The following PCBD2 variants were observed in gnomAD, a reference collection of about 807,000 sequenced individuals.
PCBD2 encodes the protein pterin-4-alpha-carbinolamine dehydratase 2.
A neutral mutation model predicts 16.4 loss-of-function variants in PCBD2; 12 were observed. The ratio of observed to expected loss-of-function variants is 0.73; its 90% confidence interval spans 0.47 to 1.19. The LOEUF is 1.19. PCBD2 is among the 50% of genes most tolerant of loss of function. The pLI, the probability that PCBD2 is intolerant of heterozygous loss-of-function variation, is 0.00. For synonymous variants in PCBD2, 58 were observed against 61.8 expected, an observed-to-expected ratio of 0.94 and a Z score of 0.29; for missense variants, 138 against 156.8, an observed-to-expected ratio of 0.88 and a Z score of 0.64.
At chr5:134,941,835 G>C (rs1413005225) in intron 2 of PCBD2, among the ~76,000 whole-genome samples, 1 of 151,870 alleles carries the variant, frequency 6.6e-6, no homozygotes, top group Non-Finnish European at 1.5e-5. Flanking sequence ...TAAGATTATG[G>C]GGGCTGGGTG....
intron 2 of PCBD2, chr5:134,928,204 G>T: frequency 2.6e-6 from 1 of 389,504 alleles, no homozygotes; most frequent in South Asian, 1.3e-4. Context: ...TGGCTATAAT[G>T]AATAGTGATA....
At chr5:134,940,896 G>A (rs1373134299) in intron 2 of PCBD2, among the ~76,000 whole-genome samples, 1 of 152,060 alleles carries the variant, frequency 6.6e-6, no homozygotes, top group Non-Finnish European at 1.5e-5. Flanking sequence ...TTGGAAGGCC[G>A]AGGAAGGTGG....
In PCBD2 at chr5:134,905,171, C is replaced by CGCGGCGCTTGTTG. The variant is rs1750665391; in HGVS notation, c.41_53dup (p.Arg19ValfsTer32). Reference sequence around the variant, plus strand: ...GCGGTGCTCGGGGCGCTCGGGGCGACGCGGCGCTTGTTGGCGGCGCTGCGA... The same window carrying CGCGGCGCTTGTTG: ...GCGGTGCTCGGGGCGCTCGGGGCGACGCGGCGCTTGTTGGCGGCGCTTGTTGGCGGCGCTGCGA... On this transcript the variant is annotated frameshift_variant, in exon 1 of 4. Coordinates refer to ENST00000254908, the MANE Select transcript of PCBD2 (RefSeq NM_032151.5). LOFTEE classifies it high-confidence loss of function. 2 of 1,222,936 alleles carry CGCGGCGCTTGTTG rather than the reference C, an allele frequency of 1.6e-6. No homozygotes were observed. Among genetic ancestry groups the CGCGGCGCTTGTTG allele is most frequent in the Non-Finnish European group, 2.0e-6 (2 of 982,674 alleles). 75.8% of individuals were successfully genotyped at this position (1,222,936 alleles called of 1,614,324 possible). A position where few individuals can be genotyped will look rare whatever the true frequency, so the allele number is the denominator to read the frequency against.
At chr5:134,912,850 C>G (rs762064537) in intron 2 of PCBD2, among the ~76,000 whole-genome samples, 2 of 152,218 alleles carry the variant, frequency 1.3e-5, no homozygotes, top group East Asian at 1.9e-4. Context: ...GCTCACAACT[C>G]GTGAGTAGAG....
At chr5:134,958,955 T>C (rs1043647503) in intron 2 of PCBD2, 85 bp from the exon 3 acceptor site, 3 of 1,033,876 alleles carry the variant, frequency 2.9e-6, no homozygotes, top group Non-Finnish European at 4.4e-6. Context: ...TGCCTGCCTT[T>C]ATGTGGTTGG....
intron 2 of PCBD2, among the ~76,000 whole-genome samples, chr5:134,946,802 C>G (rs771093979): frequency 4.6e-5 from 7 of 152,292 alleles, no homozygotes; most frequent in Non-Finnish European, 1.0e-4. Context: ...GGCATTCTTT[C>G]TGCCCAGAGC....
At chr5:134,931,140 G>A (rs558440147) in intron 2 of PCBD2, among the ~76,000 whole-genome samples, 150 of 152,140 alleles carry the variant, frequency 9.9e-4, no homozygotes, top group African/African-American at 3.1e-3. Flanking sequence ...GGATGGTCTC[G>A]ATCTCCTGAC....
intron 2 of PCBD2, among the ~76,000 whole-genome samples, chr5:134,933,268 A>G (rs1003581056): frequency 1.3e-5 from 2 of 152,142 alleles, no homozygotes; most frequent in African/African-American, 4.8e-5. Flanking sequence ...ACAGGGTCTC[A>G]CTGTGTCACC....
chr5:134,958,562 G>T (rs1751438991), intron 2 of PCBD2, among the ~76,000 whole-genome samples: 1 of 152,198 alleles, frequency 6.6e-6, no homozygotes, highest in Admixed American at 6.5e-5. Flanking sequence ...GTTCATTTCT[G>T]CTGGTGCTTT....
intron 1 of PCBD2, among the ~76,000 whole-genome samples, chr5:134,906,335 C>T (rs1183559201): frequency 6.6e-6 from 1 of 150,874 alleles, no homozygotes; most frequent in Non-Finnish European, 1.5e-5. Context: ...TCCCGAGTAG[C>T]TGGGACAACA....
chr5:134,916,635 C>T lies in PCBD2; in HGVS notation c.216+6169C>T, dbSNP rs903058778. Among the ~76,000 whole-genome samples, 6 of 152,354 alleles carry T rather than the reference C, an allele frequency of 3.9e-5. No individual in the cohort carries two copies. The East Asian group carries it at 5.8e-4, about 15-fold the overall frequency. Reference sequence around the variant, plus strand: ...CCCAAAACACATTTGAACTTCTTTTCTCTCAGAGTTTTATTCTAAGGTATG... The same window carrying T: ...CCCAAAACACATTTGAACTTCTTTTTTCTCAGAGTTTTATTCTAAGGTATG... On this transcript the variant is annotated intron_variant, in intron 2 of 3. Coordinates refer to ENST00000254908, the MANE Select transcript of PCBD2 (RefSeq NM_032151.5).
chr5:134,926,554 T>C (rs1460076963), intron 2 of PCBD2: 1 of 395,568 alleles, frequency 2.5e-6, no homozygotes, highest in Non-Finnish European at 4.5e-6. Context: ...TTGTTAGACA[T>C]GGGGATATGA....
In PCBD2 at chr5:134,954,465, A is replaced by G. The variant is rs1362196224; in HGVS notation, c.217-4575A>G. On this transcript the variant is annotated intron_variant, in intron 2 of 3. Coordinates refer to ENST00000254908, the MANE Select transcript of PCBD2 (RefSeq NM_032151.5). ...AATGTATTCCTAGAACTGAATGAATATATTGCTTACTGCTAATACCTTTGG... is the reference window on the plus strand; with the variant it reads ...AATGTATTCCTAGAACTGAATGAATGTATTGCTTACTGCTAATACCTTTGG... Among the ~76,000 whole-genome samples the G allele has an allele frequency of 4.6e-5, 7 of 152,322 alleles. No homozygotes were observed. The East Asian group carries it at 1.2e-3, about 25-fold the overall frequency.
intron 2 of PCBD2, among the ~76,000 whole-genome samples, chr5:134,914,530 A>C (rs1750804572): frequency 6.6e-6 from 1 of 152,172 alleles, no homozygotes; most frequent in Admixed American, 6.5e-5. Flanking sequence ...AACTTTTGCT[A>C]AATGAATGCA....
chr5:134,959,180 T>C, intron 3 of PCBD2, 60 bp downstream of exon 3: 1 of 1,245,382 alleles, frequency 8.0e-7, no homozygotes, highest in Non-Finnish European at 1.2e-6. Context: ...AACTTCTTTC[T>C]TCCTTGTCAT....
chr5:134,944,947 A>G (rs1751273397), intron 2 of PCBD2, among the ~76,000 whole-genome samples: 1 of 152,246 alleles, frequency 6.6e-6, no homozygotes, highest in South Asian at 2.1e-4. Flanking sequence ...GACATAAATT[A>G]TGAAGATTGT....
At chr5:134,925,187 G>A (rs376074365) in intron 2 of PCBD2, 15 of 398,224 alleles carry the variant, frequency 3.8e-5, no homozygotes, top group African/African-American at 1.0e-4. Flanking sequence ...AGAATTATTC[G>A]AGTGCTATAG....
intron 2 of PCBD2, among the ~76,000 whole-genome samples, chr5:134,920,740 C>T (rs1399158943): frequency 6.6e-6 from 1 of 151,970 alleles, no homozygotes; most frequent in African/African-American, 2.4e-5. Context: ...ACTGCAACCT[C>T]CACCTCCTAG....
chr5:134,959,622 T>A (rs923105615), intron 3 of PCBD2, among the ~76,000 whole-genome samples: 1 of 152,090 alleles, frequency 6.6e-6, no homozygotes, highest in Non-Finnish European at 1.5e-5. Flanking sequence ...TCCCAAAGTG[T>A]CCTTGCCTTT....
Sources: allele counts gnomAD v4.1 joint callset (sites outside exome capture counted in the v4.1 genomes callset), GRCh38; gene constraint gnomAD v4.1.1; transcripts MANE v1.5; gene names NCBI Gene and HGNC (gene_info 2026-07-23, HGNC 2026-07-21).